Variants in MROH9 observed in about 807,000 individuals in gnomAD.
The protein encoded by MROH9 is maestro heat like repeat family member 9, also known as maestro heat-like repeat-containing protein family member 9.
In MROH9, 92 loss-of-function variants were observed where a neutral mutation model predicts 98.2. The ratio of observed to expected loss-of-function variants is 0.94; its 90% CI spans 0.79 to 1.11. MROH9 has a LOEUF of 1.11. Among genes scored for constraint, MROH9 ranks in the 50% most tolerant of loss-of-function variants. The probability of loss-of-function intolerance (pLI) is 0.00; values close to 1 mark genes in which losing one functional copy is unlikely to be tolerated. For missense variants in MROH9, 1,057 were observed against 1,014.8 expected (o/e 1.04, Z -0.57); for synonymous variants, 397 against 368.9 (o/e 1.08, Z -0.87).
At chr1:171,060,186 C>A (rs895942759) in intron 20 of MROH9, among the ~76,000 whole-genome samples, 16 of 152,038 alleles carry the variant, frequency 1.1e-4, no homozygotes, top group African/African-American at 3.9e-4. Context: ...AATACCAATA[C>A]AATAGCACCA....
chr1:170,994,086 C>T (rs1341247242), intron 12 of MROH9, among the ~76,000 whole-genome samples: 1 of 152,204 alleles, frequency 6.6e-6, no homozygotes, highest in African/African-American at 2.4e-5. Context: ...TGCGCTTATA[C>T]ATAAAAATGC....
At chr1:171,013,252 C>G (rs1652219335) in intron 15 of MROH9, among the ~76,000 whole-genome samples, 1 of 152,216 alleles carries the variant, frequency 6.6e-6, no homozygotes, top group South Asian at 2.1e-4. Flanking sequence ...TGGTACCAGT[C>G]TATAGCCTGT....
intron 11 of MROH9, among the ~76,000 whole-genome samples, chr1:170,990,885 C>T (rs1462152512): frequency 1.3e-5 from 2 of 152,138 alleles, no homozygotes; most frequent in Non-Finnish European, 2.9e-5. Context: ...ATAAACAAAA[C>T]TCTAAACAAA....
chr1:170,942,256 T>C lies in MROH9; in HGVS notation c.-37-3264T>C, dbSNP rs1649147889. Among the ~76,000 whole-genome samples the C allele has an allele frequency of 3.3e-5, 5 of 151,932 alleles. No homozygotes were observed. The South Asian group carries it at 1.0e-3, about 32-fold the overall frequency. On this transcript the variant is annotated intron_variant, in intron 1 of 21. Transcript: ENST00000367759. Reference sequence around the variant, plus strand: ...TCTGCAATTTGAGTCTAGTTACGGGTCTAGAAGCAAAGAAGAGTGGTGGGG... The same window carrying C: ...TCTGCAATTTGAGTCTAGTTACGGGCCTAGAAGCAAAGAAGAGTGGTGGGG...
intron 20 of MROH9, among the ~76,000 whole-genome samples, chr1:171,056,604 G>C (rs1653845093): frequency 6.6e-6 from 1 of 152,088 alleles, no homozygotes; most frequent in Admixed American, 6.5e-5. Flanking sequence ...CCCTAGCAAA[G>C]CACACCCCTG....
At chr1:171,034,455 G>A (rs1321308243) in intron 20 of MROH9, among the ~76,000 whole-genome samples, 1 of 152,160 alleles carries the variant, frequency 6.6e-6, no homozygotes, top group Non-Finnish European at 1.5e-5. Flanking sequence ...GCCTTGGAAG[G>A]CTGACCTCTG....
intron 12 of MROH9, among the ~76,000 whole-genome samples, chr1:170,993,455 C>T (rs1236838495): frequency 6.6e-6 from 1 of 152,104 alleles, no homozygotes; most frequent in Non-Finnish European, 1.5e-5. Flanking sequence ...ATTGTGTGTA[C>T]AGTAGGAGAA....
At chr1:170,975,358 A>T (rs1164294342) in intron 8 of MROH9, among the ~76,000 whole-genome samples, 2 of 152,154 alleles carry the variant, frequency 1.3e-5, no homozygotes, top group Non-Finnish European at 2.9e-5. Flanking sequence ...TAGAGATAAG[A>T]ATGCCTCCAG....
chr1:170,973,727 T>C (rs1650570462), intron 8 of MROH9, among the ~76,000 whole-genome samples: 1 of 152,022 alleles, frequency 6.6e-6, no homozygotes. Context: ...AATACAAAAT[T>C]AGCTGAGCAT....
At chr1:171,062,892 T>C (rs1328631386) in intron 21 of MROH9, among the ~76,000 whole-genome samples, 2 of 152,174 alleles carry the variant, frequency 1.3e-5, no homozygotes, top group Non-Finnish European at 2.9e-5. Context: ...CACCTATGCA[T>C]AGCCTCCCCC....
At chr1:170,983,658 T>C in intron 9 of MROH9, 124 bp downstream of exon 9, 2 of 622,068 alleles carry the variant, frequency 3.2e-6, no homozygotes, top group Non-Finnish European at 5.7e-6. Context: ...CTCAGTGTGA[T>C]AAAATGTAAA....
intron 15 of MROH9, among the ~76,000 whole-genome samples, chr1:171,005,492 C>T (rs1051526521): frequency 3.3e-5 from 5 of 152,160 alleles, no homozygotes; most frequent in East Asian, 1.9e-4. Flanking sequence ...AGGTCTGTAA[C>T]GTTGTTGGTT....
At chr1:170,983,561 G>C in intron 9 of MROH9, 27 bp downstream of exon 9, 1 of 1,375,034 alleles carries the variant, frequency 7.3e-7, no homozygotes, top group Non-Finnish European at 1.0e-6. Flanking sequence ...TTTTTCCGAG[G>C]GCTTTTGTTT....
At chr1:171,036,469 A>G (rs1275507609) in intron 20 of MROH9, among the ~76,000 whole-genome samples, 1 of 152,136 alleles carries the variant, frequency 6.6e-6, no homozygotes, top group Non-Finnish European at 1.5e-5. Flanking sequence ...ATAAACACTC[A>G]GAAAATAATT....
At chr1:170,951,715 T>C (rs1033985157) in intron 3 of MROH9, among the ~76,000 whole-genome samples, 1 of 151,810 alleles carries the variant, frequency 6.6e-6, no homozygotes, top group South Asian at 2.1e-4. Flanking sequence ...GTATGAGAGG[T>C]TGATCAGTGC....
intron 10 of MROH9, among the ~76,000 whole-genome samples, chr1:170,988,656 T>G (rs1019306534): frequency 6.6e-6 from 1 of 152,210 alleles, no homozygotes; most frequent in African/African-American, 2.4e-5. Context: ...TGGATTCTTG[T>G]CTTAGATGGG....
chr1:171,049,766 G>A lies in MROH9; in HGVS notation c.2282-12366G>A, dbSNP rs576421829. On this transcript the variant is annotated intron_variant, in intron 20 of 21. Coordinates refer to ENST00000367759, the MANE Select transcript of MROH9 (RefSeq NM_001163629.2). ...GTGTGAACACAGCTCACACAGCCTC[G>A]ACCTCCCAGGTTCAAGTGGTCTTCT... is the stretch of plus-strand genomic sequence containing the variant. 9.3e-5 allele frequency among the ~76,000 whole-genome samples: 14 copies of A among 151,286 alleles called. No homozygotes were observed. In the East Asian group the frequency reaches 9.7e-4, roughly 11 times the overall value.
At chr1:170,983,585 C>G in intron 9 of MROH9, 51 bp downstream of exon 9, 1 of 1,015,542 alleles carries the variant, frequency 9.8e-7, no homozygotes, top group Non-Finnish European at 1.5e-6. Flanking sequence ...TGTATGATTA[C>G]TCTTAGTAAC....
chr1:171,050,671 C>T (rs1487139792), intron 20 of MROH9, among the ~76,000 whole-genome samples: 1 of 152,098 alleles, frequency 6.6e-6, no homozygotes, highest in South Asian at 2.1e-4. Flanking sequence ...TTTCTCTTGT[C>T]TGATTGCTCT....
Sources: gnomAD v4.1 joint callset for allele counts (sites outside exome capture counted in the v4.1 genomes callset) on GRCh38, gnomAD v4.1.1 for gene constraint, MANE v1.5 for transcripts, NCBI Gene and HGNC (gene_info 2026-07-23, HGNC 2026-07-21) for gene names.